DYNC2H1: variants seen among roughly 807,000 people sequenced by gnomAD.
The protein encoded by DYNC2H1 is cytoplasmic dynein 2 heavy chain 1.
DYNC2H1 carries 410 observed loss-of-function variants against 570.0 expected under a neutral mutation model. That is an observed-to-expected ratio of 0.72 (90% CI 0.66 to 0.78). The LOEUF is 0.78. DYNC2H1 is among the 30% of genes least tolerant of loss of function. The pLI is 0.00. For synonymous variants in DYNC2H1, 1,688 were observed against 1,677.6 expected, an observed-to-expected ratio of 1.01 and a Z score of -0.15; for missense variants, 4,865 against 5,046.4, an observed-to-expected ratio of 0.96 and a Z score of 1.09.
Position 103,311,880 on chromosome 11 carries a change from A to T in DYNC2H1, c.11496A>T (p.Ser3832=). The change falls in exon 79 of 89, where the codon TCA becomes TCT. Residue 3832 remains serine (S), a splice_region_variant and synonymous_variant. Coordinates refer to ENST00000375735, the MANE Select transcript of DYNC2H1 (RefSeq NM_001377.3). ...LQSSLKITYE[S]PPGLKKNLMR... ...ATGTCTGTTGATTTTTTTTCTAGTCACCTCCAGGTTTAAAGAAGAATTTAA... is the reference window on the plus strand; with the variant it reads ...ATGTCTGTTGATTTTTTTTCTAGTCTCCTCCAGGTTTAAAGAAGAATTTAA... 6.2e-7 allele frequency: 1 copy of T among 1,601,142 alleles called. No homozygotes were observed. The highest frequency in any genetic ancestry group is 8.5e-7 in the Non-Finnish European group (1 of 1,175,162).
At chr11:103,180,056 T>C (rs1861786936) in intron 39 of DYNC2H1, among the ~76,000 whole-genome samples, 2 of 151,674 alleles carry the variant, frequency 1.3e-5, no homozygotes, top group African/African-American at 4.8e-5. Context: ...GACAGTATTG[T>C]AGGAAACATT....
chr11:103,308,921 C>G (rs764013112), intron 78 of DYNC2H1, among the ~76,000 whole-genome samples: 73 of 151,892 alleles, frequency 4.8e-4, no homozygotes, highest in Non-Finnish European at 9.6e-4. Context: ...GTATGGTTTG[C>G]AAATATTCTC....
At chr11:103,400,843 C>T (rs954886066) in intron 84 of DYNC2H1, among the ~76,000 whole-genome samples, 15 of 152,084 alleles carry the variant, frequency 9.9e-5, no homozygotes, top group Non-Finnish European at 1.8e-4. Flanking sequence ...CTCTGGCATC[C>T]TTGTCTTCTT....
intron 82 of DYNC2H1, among the ~76,000 whole-genome samples, chr11:103,338,385 G>C (rs1939264692): frequency 6.6e-6 from 1 of 152,090 alleles, no homozygotes; most frequent in South Asian, 2.1e-4. Context: ...TAAATGTTAG[G>C]AGTTTTTTTT....
intron 85 of DYNC2H1, among the ~76,000 whole-genome samples, chr11:103,449,298 A>G (rs1050772731): frequency 7.9e-5 from 12 of 152,306 alleles, no homozygotes; most frequent in African/African-American, 2.9e-4. Flanking sequence ...GTCTGCTATC[A>G]AAAGGACACT....
chr11:103,124,684 A>G (rs1365536692), intron 11 of DYNC2H1, among the ~76,000 whole-genome samples: 1 of 152,192 alleles, frequency 6.6e-6, no homozygotes, highest in East Asian at 1.9e-4. Context: ...TACTCCTACC[A>G]TTTTGATATT....
At chr11:103,329,610 G>C (rs1278082365) in intron 82 of DYNC2H1, among the ~76,000 whole-genome samples, 1 of 152,144 alleles carries the variant, frequency 6.6e-6, no homozygotes, top group Non-Finnish European at 1.5e-5. Context: ...ACTGATGTTA[G>C]AAGAAACTGA....
At position 103,168,965 on chromosome 11, in the gene DYNC2H1, G is replaced by A. The variant is rs202229725; in HGVS notation, c.4968+5G>A. On this transcript the variant is annotated splice_donor_5th_base_variant and intron_variant, in intron 32 of 88. Coordinates refer to ENST00000375735, the MANE Select transcript of DYNC2H1 (RefSeq NM_001377.3). Reference sequence around the variant, plus strand: ...CAGTATACTTATGAATATCAGGTATGAGTTGTGGCAGTGTTTTATATTTCC... The same window carrying A: ...CAGTATACTTATGAATATCAGGTATAAGTTGTGGCAGTGTTTTATATTTCC... 5.0e-6 allele frequency: 8 copies of A among 1,592,086 alleles called. No individual in the cohort carries two copies. Among genetic ancestry groups the A allele is most frequent in the East Asian group, 4.5e-5 (2 of 44,078 alleles).
chr11:103,177,963 C>G lies in DYNC2H1; in HGVS notation c.6139+143C>G. 1 of 964,852 alleles carries G rather than the reference C, an allele frequency of 1.0e-6. No individual in the cohort carries two copies. Among genetic ancestry groups the G allele is most frequent in the Non-Finnish European group, 1.4e-6 (1 of 695,266 alleles). 59.8% of individuals were successfully genotyped at this position (964,852 alleles called of 1,614,324 possible). A position where few individuals can be genotyped will look rare whatever the true frequency, so the allele number is the denominator to read the frequency against. ...AAAATGATGTACATTTGATATTTTA[C>G]TTTGGAGGGGGCCAAGACATGCTAT... On this transcript the variant is annotated intron_variant, in intron 38 of 88. Transcript: ENST00000375735. This position sits in a 1 kb window ranked among gnomAD's most constrained non-coding sequence, Gnocchi z 4.4.
chr11:103,187,497 T>C lies in DYNC2H1; in HGVS notation c.7051T>C (p.Cys2351Arg). 1.9e-6 allele frequency: 3 copies of C among 1,613,410 alleles called. No individual in the cohort carries two copies. The African/African-American group carries it at 4.0e-5, about 22-fold the overall frequency. ...TGGTCGTGTATACAGACCAAAAGAC[T>C]GTGAAAGACTTGTTCTGTACTTAAA... The part of the protein sequence containing the change: ...NTGRVYRPKD[C>R]ERLVLYLKDI... Residue 2351 changes from cysteine to arginine, a missense_variant, in exon 43 of 89, where the codon TGT (cysteine) becomes CGT (arginine). Physicochemically the swap from Cys to Arg is radical, Grantham distance 180 (BLOSUM62 -3). This residue lies in a region of DYNC2H1 where 2,401 missense variants were observed against 2,454.6 expected (regional missense o/e 0.98). Transcript: ENST00000375735.
chr11:103,263,034 A>T (rs1865369342), intron 70 of DYNC2H1, among the ~76,000 whole-genome samples: 1 of 149,134 alleles, frequency 6.7e-6, no homozygotes, highest in African/African-American at 2.5e-5. Flanking sequence ...AAAAAAAAAA[A>T]AAAAAAAAAA....
At chr11:103,426,308 CCT>C (rs1943670902) in intron 84 of DYNC2H1, among the ~76,000 whole-genome samples, 1 of 152,120 alleles carries the variant, frequency 6.6e-6, no homozygotes, top group Non-Finnish European at 1.5e-5. Context: ...CTGTCAGCCC[CCT>C]GATTTCCTAC....
chr11:103,161,710 C>A lies in DYNC2H1; in HGVS notation c.4491+666C>A, dbSNP rs559783014. ...ACTCAATACATTTTAGTTGTCTTTACTCTTTAAAATATGAATTTGTATAAG... is the reference window on the plus strand; with the variant it reads ...ACTCAATACATTTTAGTTGTCTTTAATCTTTAAAATATGAATTTGTATAAG... On this transcript the variant is annotated intron_variant, in intron 29 of 88. Coordinates refer to ENST00000375735, the MANE Select transcript of DYNC2H1 (RefSeq NM_001377.3). Among the ~76,000 whole-genome samples the A allele has an allele frequency of 2.6e-5, 4 of 152,208 alleles. No individual in the cohort carries two copies. The East Asian group carries it at 7.7e-4, about 29-fold the overall frequency.
chr11:103,384,449 G>T (rs939125930), intron 83 of DYNC2H1, among the ~76,000 whole-genome samples: 3 of 151,812 alleles, frequency 2.0e-5, no homozygotes, highest in Non-Finnish European at 4.4e-5. Context: ...TCTATAACTG[G>T]AATATTTAGT....
intron 82 of DYNC2H1, among the ~76,000 whole-genome samples, chr11:103,349,337 G>A (rs1400120212): frequency 1.3e-5 from 2 of 152,016 alleles, no homozygotes; most frequent in African/African-American, 4.8e-5. Context: ...GGTCTTACAT[G>A]TATTTCGTTG....
In DYNC2H1 at chr11:103,223,005, C is replaced by T. The variant is rs919337049; in HGVS notation, c.9272C>T (p.Ala3091Val). 1 of 1,613,358 alleles carries T rather than the reference C, an allele frequency of 6.2e-7. No homozygotes were observed. Among genetic ancestry groups the T allele is most frequent in the East Asian group, 2.2e-5 (1 of 44,776 alleles). Residue 3091 changes from alanine to valine, a missense_variant, in exon 59 of 89, where the codon GCC (alanine) becomes GTC (valine). By Grantham distance (64) the Ala-to-Val change is moderately conservative. This residue lies in a region of DYNC2H1 where 2,401 missense variants were observed against 2,454.6 expected (regional missense o/e 0.98). Coordinates refer to ENST00000375735, the MANE Select transcript of DYNC2H1 (RefSeq NM_001377.3). ...RASTAAAPLA[A>V]WVKANIQYSH... ...AGTACTGCAGCTGCACCTTTGGCTG[C>T]CTGGGTGAAAGCCAATATTCAGTAT...
intron 83 of DYNC2H1, among the ~76,000 whole-genome samples, chr11:103,373,727 T>G (rs1259578666): frequency 6.6e-6 from 1 of 152,218 alleles, no homozygotes; most frequent in Non-Finnish European, 1.5e-5. Context: ...GCAATCTTAG[T>G]CCAATGGTTT....
intron 22 of DYNC2H1, 126 bp downstream of exon 22, chr11:103,153,634 C>G: frequency 1.1e-6 from 1 of 877,628 alleles, no homozygotes; most frequent in South Asian, 1.6e-5. Flanking sequence ...TTTTAAACTA[C>G]AAATAATAAG....
At chr11:103,298,703 GAAC>G (rs771781728) in intron 75 of DYNC2H1, among the ~76,000 whole-genome samples, 4 of 152,158 alleles carry the variant, frequency 2.6e-5, no homozygotes, top group Non-Finnish European at 5.9e-5. Context: ...AATTACCAGA[GAAC>G]AACAGGCACT....
Sources: gnomAD v4.1 joint callset for allele counts (sites outside exome capture counted in the v4.1 genomes callset) on GRCh38, gnomAD v4.1.1 for gene constraint, gnomAD v4.1.1 regional missense constraint, Gnocchi (gnomAD v3.1) non-coding constraint, MANE v1.5 for transcripts, NCBI Gene and HGNC (gene_info 2026-07-23, HGNC 2026-07-21) for gene names.